The following PDE1A variants were observed in gnomAD, a reference collection of about 807,000 sequenced individuals.
The protein encoded by PDE1A is phosphodiesterase 1A.
Under a neutral mutation model 61.7 loss-of-function variants are expected in PDE1A, and 35 were observed. The ratio of observed to expected loss-of-function variants is 0.57; its 90% CI spans 0.43 to 0.75. The LOEUF (loss-of-function observed/expected upper bound fraction) is 0.75. PDE1A is among the 30% of genes least tolerant of loss of function. PDE1A has a pLI of 0.00. For missense variants in PDE1A, 597 were observed against 630.6 expected, an observed-to-expected ratio of 0.95 and a Z score of 0.57; for synonymous variants, 232 against 213.2, an observed-to-expected ratio of 1.09 and a Z score of -0.77.
intron 13 of PDE1A, among the ~76,000 whole-genome samples, chr2:182,178,182 C>G (rs1471482215): frequency 6.6e-6 from 1 of 152,102 alleles, no homozygotes; most frequent in Non-Finnish European, 1.5e-5. Flanking sequence ...GGCATCTATC[C>G]TTTGTCTTCA....
chr2:182,379,847 T>A (rs893782181), intron 1 of PDE1A, among the ~76,000 whole-genome samples: 5 of 152,182 alleles, frequency 3.3e-5, no homozygotes, highest in African/African-American at 4.8e-5. Context: ...TCCTTGATGG[T>A]CCAGGGACTT....
At chr2:182,184,046 GAAAGAA>G in intron 13 of PDE1A, among the ~76,000 whole-genome samples, 1 of 133,784 alleles carries the variant, frequency 7.5e-6, no homozygotes, top group South Asian at 2.4e-4. Flanking sequence ...AAGAAAGAAA[GAAAGAA>G]AGAACAATTA....
chr2:182,707,193 C>T, the PDE1A span, among the ~76,000 whole-genome samples: 1 of 151,964 alleles, frequency 6.6e-6, no homozygotes, highest in Admixed American at 6.6e-5. Flanking sequence ...ATGTTTATAC[C>T]AGAAAAGAAG....
the PDE1A span, among the ~76,000 whole-genome samples, chr2:182,633,605 A>G: frequency 6.6e-6 from 1 of 152,184 alleles, no homozygotes; most frequent in South Asian, 2.1e-4. Context: ...AGAAATAGGA[A>G]TCATGTGACT....
At chr2:182,202,625 C>T (rs1196407801) in intron 8 of PDE1A, among the ~76,000 whole-genome samples, 1 of 152,128 alleles carries the variant, frequency 6.6e-6, no homozygotes, top group Non-Finnish European at 1.5e-5. Flanking sequence ...TGCCAAGCTT[C>T]CATCATAAGA....
the PDE1A span, among the ~76,000 whole-genome samples, chr2:182,633,626 C>T: frequency 6.6e-6 from 1 of 152,200 alleles, no homozygotes; most frequent in African/African-American, 2.4e-5. Flanking sequence ...TCTGGACCCA[C>T]GGCGTTCTCA....
the PDE1A span, among the ~76,000 whole-genome samples, chr2:182,671,338 A>ATT: frequency 0.028 from 2,133 of 75,100 alleles, 45 homozygotes; most frequent in East Asian, 0.075. Flanking sequence ...CGACTGGCTA[A>ATT]TTTTTTTTTT....
At chr2:182,652,206 A>G in the PDE1A span, among the ~76,000 whole-genome samples, 3 of 152,142 alleles carry the variant, frequency 2.0e-5, no homozygotes, top group South Asian at 2.1e-4. Flanking sequence ...TTCTTTGCCA[A>G]TGTTTTCTCC....
exon 10 of PDE1A, chr2:182,201,450 ACTC>A: frequency 2.5e-6 from 4 of 1,612,406 alleles, no homozygotes; most frequent in Non-Finnish European, 3.4e-6. Flanking sequence ...TGCAGGAAAA[ACTC>A]CTCCATTAGG....
chr2:182,206,511 T>C (rs1687116653), intron 7 of PDE1A, among the ~76,000 whole-genome samples: 1 of 152,230 alleles, frequency 6.6e-6, no homozygotes, highest in Non-Finnish European at 1.5e-5. Flanking sequence ...TATAGTACCA[T>C]ACAGAGTAGT....
At chr2:182,639,154 G>C in the PDE1A span, among the ~76,000 whole-genome samples, 1 of 152,108 alleles carries the variant, frequency 6.6e-6, no homozygotes, top group Non-Finnish European at 1.5e-5. Flanking sequence ...ACTTAATAAA[G>C]CAATTGCTCT....
intron 2 of PDE1A, among the ~76,000 whole-genome samples, chr2:182,457,689 C>CA (rs1686015767): frequency 6.6e-6 from 1 of 151,892 alleles, no homozygotes; most frequent in Non-Finnish European, 1.5e-5. Context: ...AATTATCTTA[C>CA]AAAAAAGCAT....
At chr2:182,286,451 A>C (rs936208552) in intron 1 of PDE1A, among the ~76,000 whole-genome samples, 2 of 152,130 alleles carry the variant, frequency 1.3e-5, no homozygotes, top group Non-Finnish European at 2.9e-5. Context: ...ATTTTAGTTA[A>C]GGTAAGGCTA....
chr2:182,189,000 T>C lies in PDE1A; in HGVS notation c.1186A>G (p.Met396Val), dbSNP rs1685474734. Residue 396 changes from methionine (M) to valine (V), a missense_variant, in exon 11 of 14, where the codon ATG becomes GTG. Coordinates refer to ENST00000351439, the Ensembl canonical transcript of PDE1A. ...TTACCTATTTGTGACTGGGCCACCA[T>C]GGTTGACTTCCGATCACAAAGTGGG... 2.5e-6 allele frequency: 4 copies of C among 1,612,518 alleles called. No individual in the cohort carries two copies. The highest frequency in any genetic ancestry group is 1.7e-5 in the Admixed American group (1 of 59,934).
chr2:182,545,362 A>T, the PDE1A span, among the ~76,000 whole-genome samples: 1 of 152,210 alleles, frequency 6.6e-6, no homozygotes, highest in East Asian at 1.9e-4. Flanking sequence ...TAGGAATAGT[A>T]GCAGCTCCCT....
chr2:182,313,567 G>C lies in PDE1A; in HGVS notation c.54-49153C>G, dbSNP rs574930541. 9.9e-5 allele frequency among the ~76,000 whole-genome samples: 15 copies of C among 152,260 alleles called. No homozygotes were observed. The South Asian group carries it at 1.2e-3, about 13-fold the overall frequency. On this transcript the variant is annotated intron_variant, in intron 1 of 13. Transcript: ENST00000351439. ...CAGACCACATTGAATAGCAGTAAGA[G>C]CAGACATCTTTAACTTGTTCTAGTT... is the stretch of plus-strand genomic sequence containing the variant.
chr2:182,271,319 G>A (rs898470106), intron 1 of PDE1A, among the ~76,000 whole-genome samples: 17 of 151,738 alleles, frequency 1.1e-4, no homozygotes, highest in Non-Finnish European at 2.1e-4. Context: ...AAAATAGTAT[G>A]GCAAACAGTA....
At chr2:182,160,407 G>A (rs949389873) in intron 13 of PDE1A, among the ~76,000 whole-genome samples, 3 of 152,158 alleles carry the variant, frequency 2.0e-5, no homozygotes, top group Non-Finnish European at 4.4e-5. Context: ...AGTCAGTTAG[G>A]GATGTAGGTA....
At chr2:182,491,051 G>A (rs982245361) in intron 2 of PDE1A, among the ~76,000 whole-genome samples, 29 of 152,114 alleles carry the variant, frequency 1.9e-4, no homozygotes, top group African/African-American at 5.6e-4. Flanking sequence ...TGATGGGAAC[G>A]TAATTGCAGT....
Sources: allele counts gnomAD v4.1 joint callset (sites outside exome capture counted in the v4.1 genomes callset), GRCh38; gene constraint gnomAD v4.1.1; transcripts MANE v1.5; gene names NCBI Gene and HGNC (gene_info 2026-07-23, HGNC 2026-07-21).